Variants in CPHXL2 observed in about 807,000 individuals in gnomAD.
The protein encoded by CPHXL2 is cytoplasmic polyadenylated homeobox like 2.
chr16:75,670,691 TC>T, the CPHXL2 span, among the ~76,000 whole-genome samples: 4 of 152,182 alleles, frequency 2.6e-5, no homozygotes, highest in South Asian at 6.2e-4. Context: ...AAATGAGGTT[TC>T]CCCATGTTGG....
chr16:75,665,459 C>G, the CPHXL2 span, among the ~76,000 whole-genome samples: 4 of 152,328 alleles, frequency 2.6e-5, no homozygotes, highest in South Asian at 6.2e-4. Flanking sequence ...TACCAAGCCA[C>G]ACTACGAGAA....
the CPHXL2 span, among the ~76,000 whole-genome samples, chr16:75,665,038 ATT>A: frequency 2.4e-4 from 36 of 152,346 alleles, no homozygotes; most frequent in African/African-American, 7.7e-4. Flanking sequence ...AGAGTCAAGA[ATT>A]TGTCAGAGAT....
the CPHXL2 span, among the ~76,000 whole-genome samples, chr16:75,664,641 A>AG: frequency 1.4e-5 from 2 of 146,954 alleles, no homozygotes; most frequent in Admixed American, 1.4e-4. Flanking sequence ...AAAAAAAAAA[A>AG]AGAAAGAAAG....
the CPHXL2 span, among the ~76,000 whole-genome samples, chr16:75,665,033 C>G: frequency 1.3e-5 from 2 of 152,278 alleles, no homozygotes; most frequent in East Asian, 3.9e-4. Flanking sequence ...CTAGGAGAGT[C>G]AAGAATTTGT....
At chr16:75,676,853 T>G in the CPHXL2 span, 1 of 397,744 alleles carries the variant, frequency 2.5e-6, no homozygotes, top group Non-Finnish European at 4.4e-6. Context: ...GTACCCCCAG[T>G]GAATAATATC....
the CPHXL2 span, among the ~76,000 whole-genome samples, chr16:75,670,736 A>G: frequency 1.3e-5 from 2 of 152,072 alleles, no homozygotes; most frequent in African/African-American, 4.8e-5. Context: ...AGCTCAAGTG[A>G]TCCACCTTTC....
At chr16:75,675,615 T>G in the CPHXL2 span, among the ~76,000 whole-genome samples, 2 of 152,162 alleles carry the variant, frequency 1.3e-5, no homozygotes, top group African/African-American at 4.8e-5. Context: ...CACGCCACAC[T>G]CCAAGTTCTG....
At chr16:75,673,037 T>C in the CPHXL2 span, among the ~76,000 whole-genome samples, 1 of 133,010 alleles carries the variant, frequency 7.5e-6, no homozygotes, top group Non-Finnish European at 1.5e-5. Flanking sequence ...CACGTGCCAC[T>C]GCACTCCAGC....
the CPHXL2 span, among the ~76,000 whole-genome samples, chr16:75,662,025 T>A: frequency 6.6e-6 from 1 of 152,348 alleles, no homozygotes; most frequent in Admixed American, 6.5e-5. Context: ...CCTGCAAGAC[T>A]GCCCCTCCTT....
chr16:75,672,026 C>G, the CPHXL2 span, among the ~76,000 whole-genome samples: 1 of 151,092 alleles, frequency 6.6e-6, no homozygotes, highest in Non-Finnish European at 1.5e-5. Context: ...AATCCCAGCA[C>G]TTTGGGAGCC....
At chr16:75,672,171 C>T in the CPHXL2 span, among the ~76,000 whole-genome samples, 33 of 151,226 alleles carry the variant, frequency 2.2e-4, no homozygotes, top group Non-Finnish European at 4.1e-4. Flanking sequence ...CCCAGCTACT[C>T]AGGTGGCTGA....
the CPHXL2 span, among the ~76,000 whole-genome samples, chr16:75,661,448 T>TGC: frequency 6.6e-6 from 1 of 152,168 alleles, no homozygotes; most frequent in Non-Finnish European, 1.5e-5. Flanking sequence ...TCATGCATCA[T>TGC]GCATTTCTAG....
the CPHXL2 span, among the ~76,000 whole-genome samples, chr16:75,664,695 C>T: frequency 6.6e-6 from 1 of 151,486 alleles, no homozygotes; most frequent in African/African-American, 2.4e-5. Context: ...AACATGGCAG[C>T]ACTGAGAGGT....
At chr16:75,671,285 G>A in the CPHXL2 span, among the ~76,000 whole-genome samples, 2 of 151,272 alleles carry the variant, frequency 1.3e-5, no homozygotes, top group Non-Finnish European at 2.9e-5. Flanking sequence ...GCTTGAGCCT[G>A]GGGAAGGCAG....
the CPHXL2 span, chr16:75,669,219 G>C: frequency 2.6e-6 from 1 of 391,186 alleles, no homozygotes; most frequent in African/African-American, 2.1e-5. Context: ...GGAGCGCTGA[G>C]GTTGGGGAGT....
chr16:75,674,116 G>A, the CPHXL2 span, among the ~76,000 whole-genome samples: 8 of 151,326 alleles, frequency 5.3e-5, no homozygotes, highest in African/African-American at 1.9e-4. Flanking sequence ...GCTCACACCT[G>A]TAATCCCAGC....
chr16:75,673,977 C>CT, the CPHXL2 span, among the ~76,000 whole-genome samples: 1 of 118,968 alleles, frequency 8.4e-6, no homozygotes, highest in Non-Finnish European at 1.7e-5. Flanking sequence ...GAGATCTCGT[C>CT]TTAAAAAAAA....
the CPHXL2 span, among the ~76,000 whole-genome samples, chr16:75,668,760 T>C: frequency 2.0e-5 from 3 of 151,864 alleles, no homozygotes; most frequent in Non-Finnish European, 4.4e-5. Flanking sequence ...AAATTTGTAT[T>C]TTTTTTTAAT....
chr16:75,673,820 A>G, the CPHXL2 span, among the ~76,000 whole-genome samples: 1 of 151,578 alleles, frequency 6.6e-6, no homozygotes, highest in Non-Finnish European at 1.5e-5. Context: ...CTCTACCAAA[A>G]ATACAAAAAA....
Sources: allele counts gnomAD v4.1 joint callset (sites outside exome capture counted in the v4.1 genomes callset), GRCh38; gene constraint gnomAD v4.1.1; transcripts MANE v1.5; gene names NCBI Gene and HGNC (gene_info 2026-07-23, HGNC 2026-07-21).